Variants in INTS8 observed in about 807,000 individuals in gnomAD.
INTS8 encodes integrator complex subunit 8, also known as protein kaonashi-1.
Under a neutral mutation model 138.9 loss-of-function variants are expected in INTS8, and 47 were observed. That is an observed-to-expected ratio of 0.34 (90% confidence interval 0.27 to 0.43). The LOEUF is 0.43. Among genes scored for constraint, INTS8 ranks in the 20% least tolerant of loss-of-function variants. INTS8 has a pLI of 1.00. For missense variants in INTS8, 996 were observed against 1,173.0 expected (o/e 0.85, Z 2.20); for synonymous variants, 392 against 400.9 (o/e 0.98, Z 0.27).
chr8:94,846,068 T>C (rs1451821516), intron 10 of INTS8, among the ~76,000 whole-genome samples: 1 of 152,190 alleles, frequency 6.6e-6, no homozygotes, highest in Non-Finnish European at 1.5e-5. Flanking sequence ...AAGTCTTAAA[T>C]TTTTAAATAG....
At chr8:94,830,455 A>AT (rs1263739389) in intron 5 of INTS8, among the ~76,000 whole-genome samples, 1 of 152,214 alleles carries the variant, frequency 6.6e-6, no homozygotes, top group Admixed American at 6.5e-5. Context: ...TGACTGGCAC[A>AT]TTGAAGTATA....
chr8:94,879,472 G>A (rs1321202869), intron 26 of INTS8, among the ~76,000 whole-genome samples: 4 of 151,976 alleles, frequency 2.6e-5, no homozygotes, highest in Non-Finnish European at 5.9e-5. Context: ...GCGGGCGTCT[G>A]TAATCCCAGC....
intron 23 of INTS8, 119 bp downstream of exon 23, chr8:94,874,721 G>A: frequency 1.7e-6 from 1 of 576,570 alleles, no homozygotes; most frequent in Non-Finnish European, 3.0e-6. Context: ...CTTAGGGTAT[G>A]TAAGAGTTTG....
chr8:94,876,232 T>C lies in INTS8; in HGVS notation c.2774T>C (p.Met925Thr), dbSNP rs1212506763. 6.2e-7 allele frequency: 1 copy of C among 1,612,236 alleles called. No individual in the cohort carries two copies. The highest frequency in any genetic ancestry group is 8.5e-7 in the Non-Finnish European group (1 of 1,178,832). ...SLQEQNSHDAMDSYYDYIWDV... is the reference protein window; with the variant it reads ...SLQEQNSHDATDSYYDYIWDV... ...ATTCTGTCTTTCAGTCATGATGCTA[T>C]GGACTCCTACTACGACTACATATGG... The change falls in exon 25 of 27, where the codon ATG (methionine) becomes ACG (threonine). Residue 925 changes from methionine to threonine, a missense_variant. Transcript: ENST00000523731.
At chr8:94,870,057 AT>A (rs1166794551) in intron 20 of INTS8, among the ~76,000 whole-genome samples, 85 of 147,314 alleles carry the variant, frequency 5.8e-4, no homozygotes, top group Non-Finnish European at 6.5e-4. Context: ...TTATTTATTT[AT>A]TTTTTTTTTT....
Position 94,828,990 on chromosome 8 carries a change from A to C in INTS8, c.534A>C (p.Gln178His). The C allele has an allele frequency of 6.3e-7, 1 of 1,599,334 alleles. No individual in the cohort carries two copies. The highest frequency in any genetic ancestry group is 8.5e-7 in the Non-Finnish European group (1 of 1,171,540). Residue 178 changes from glutamine to histidine, a missense_variant, in exon 5 of 27, where the codon CAA (glutamine) becomes CAC (histidine). Coordinates refer to ENST00000523731, the MANE Select transcript of INTS8 (RefSeq NM_017864.4). ...TCTCTTTTAGTATGAATCAAATGCA[A>C]CAGGAAAAAGAGCTAACAGAAAACA... ...PPQLSVMNQMQQEKELTENIL... is the reference protein window; with the variant it reads ...PPQLSVMNQMHQEKELTENIL...
rs1442043742 is a variant in INTS8, at chr8:94,865,592, T to C, written c.2163T>C (p.Val721=). 1 of 1,614,170 alleles carries C rather than the reference T, an allele frequency of 6.2e-7. No homozygotes were observed. Among genetic ancestry groups the C allele is most frequent in the South Asian group, 1.1e-5 (1 of 91,080 alleles). Residue 721 remains valine (V), a synonymous_variant, in exon 17 of 27, where the codon GTT becomes GTC. Coordinates refer to ENST00000523731, the MANE Select transcript of INTS8 (RefSeq NM_017864.4). ...RRTAKDLWEV[V]VQICSVSSQH... is the part of the protein sequence containing the mutation. Reference sequence around the variant, plus strand: ...CTGCCAAAGACCTTTGGGAAGTTGTTGTTCAAATCTGTAGTGTGTCCAGTC... The same window carrying C: ...CTGCCAAAGACCTTTGGGAAGTTGTCGTTCAAATCTGTAGTGTGTCCAGTC...
In INTS8 at chr8:94,827,279, T is replaced by C. The variant is rs1264859012; in HGVS notation, c.322T>C (p.Leu108=). Residue 108 remains leucine, a synonymous_variant, in exon 3 of 27, where the codon TTG becomes CTG. Transcript: ENST00000523731. ...ILEKSLSVPV[L]NMLLNELLCI... ...TTCTTCAAGTTTGTCTGTTCCAGTA[T>C]TGAATATGCTACTAAATGAACTACT... 4 of 1,613,704 alleles carry C rather than the reference T, an allele frequency of 2.5e-6. No homozygotes were observed. The highest frequency in any genetic ancestry group is 3.4e-6 in the Non-Finnish European group (4 of 1,179,588).
intron 6 of INTS8, among the ~76,000 whole-genome samples, chr8:94,835,979 C>T (rs896787410): frequency 1.3e-5 from 2 of 152,204 alleles, no homozygotes; most frequent in Admixed American, 6.5e-5. Context: ...AGGCATATCA[C>T]GTAAGTTTTA....
Position 94,842,395 on chromosome 8 carries a change from A to C in INTS8, c.1167A>C (p.Thr389=). 1 of 1,603,602 alleles carries C rather than the reference A, an allele frequency of 6.2e-7. No individual in the cohort carries two copies. Among genetic ancestry groups the C allele is most frequent in the Non-Finnish European group, 8.5e-7 (1 of 1,171,316 alleles). The stretch of plus-strand genomic sequence containing the variant: ...GTTTTAAAGTTTGTGCCTGTAATAC[A>C]GTCCGTGATATACTGGAAGGCAGAA... ...EICFKVCACN[T]VRDILEGRTI... Residue 389 remains threonine, a synonymous_variant, in exon 10 of 27, where the codon ACA becomes ACC. Coordinates refer to ENST00000523731, the MANE Select transcript of INTS8 (RefSeq NM_017864.4).
At position 94,848,151 on chromosome 8, in the gene INTS8, A is replaced by G. The variant is rs555803751; in HGVS notation, c.1261-1311A>G. Among the ~76,000 whole-genome samples, 12 of 151,960 alleles carry G rather than the reference A, an allele frequency of 7.9e-5. 1 individual carries two copies. In the Middle Eastern group the frequency reaches 0.02, roughly 258 times the overall value. On this transcript the variant is annotated intron_variant, in intron 10 of 26. Coordinates refer to ENST00000523731, the MANE Select transcript of INTS8 (RefSeq NM_017864.4). ...AGCCTCCCCAAGTAGCTGGGACTAC[A>G]GGCCCGTGTCACCATGCCCACGTAA...
chr8:94,866,103 A>G (rs1816167082), intron 17 of INTS8, 55 bp from the exon 18 acceptor site: 2 of 764,874 alleles, frequency 2.6e-6, no homozygotes, highest in African/African-American at 3.6e-5. Context: ...TACTTTCTTG[A>G]TTTTATTTTT....
At chr8:94,841,648 G>A (rs1226543621) in intron 9 of INTS8, 57 bp downstream of exon 9, 2 of 878,426 alleles carry the variant, frequency 2.3e-6, no homozygotes, top group Non-Finnish European at 3.7e-6. Flanking sequence ...AGTGCATTCT[G>A]GTTTATCAAA....
In INTS8 at chr8:94,880,666, CT is replaced by C; in HGVS notation, c.*435del. 1 of 391,948 alleles carries C rather than the reference CT, an allele frequency of 2.6e-6. No individual in the cohort carries two copies. Among genetic ancestry groups the C allele is most frequent in the Non-Finnish European group, 4.5e-6 (1 of 222,696 alleles). 24.3% of individuals were successfully genotyped at this position (391,948 alleles called of 1,614,324 possible). On this transcript the variant is annotated 3_prime_UTR_variant, in exon 27 of 27. Transcript: ENST00000523731. ...ATAGAAGTTTAGGTCAAGTGTTAAG[CT>C]TTATCACTTTGACACTGTCCTTATC...
At position 94,856,945 on chromosome 8, in the gene INTS8, A is replaced by G; in HGVS notation, c.1921A>G (p.Arg641Gly). 1 of 1,614,154 alleles carries G rather than the reference A, an allele frequency of 6.2e-7. No individual in the cohort carries two copies. The highest frequency in any genetic ancestry group is 8.5e-7 in the Non-Finnish European group (1 of 1,180,006). Residue 641 changes from arginine to glycine, a missense_variant, in exon 15 of 27, where the codon AGA becomes GGA. Transcript: ENST00000523731. ...GERPPSDLIS[R>G]VRGYLEMRLP... The stretch of plus-strand genomic sequence containing the variant: ...GAGACCGCCATCCGACCTTATAAGT[A>G]GAGTACGAGGCTATCTGGAAATGAG...
At chr8:94,879,735 A>G (rs911275295) in intron 26 of INTS8, 1 of 155,058 alleles carries the variant, frequency 6.4e-6, no homozygotes, top group African/African-American at 2.4e-5. Flanking sequence ...AATCATGAAA[A>G]GTTGAGCAAC....
chr8:94,873,380 A>G lies in INTS8; in HGVS notation c.2540A>G (p.Asn847Ser), dbSNP rs1190257569. ...GTCTGTTTTTCTGTTTCAGCAACGA[A>G]TCAGTATTCAGCAGCTCTTCACTAT... ...IIQADIYFAT[N>S]QYSAALHYYL... is the part of the protein sequence containing the mutation. Residue 847 changes from asparagine (N) to serine (S), a missense_variant, in exon 22 of 27, where the codon AAT becomes AGT. By Grantham distance (46) the Asn-to-Ser change is conservative. Coordinates refer to ENST00000523731, the MANE Select transcript of INTS8 (RefSeq NM_017864.4). 1.2e-6 allele frequency: 2 copies of G among 1,611,990 alleles called. No homozygotes were observed. Among genetic ancestry groups the G allele is most frequent in the Non-Finnish European group, 1.7e-6 (2 of 1,178,152 alleles).
At chr8:94,849,057 A>G (rs16917081) in intron 10 of INTS8, among the ~76,000 whole-genome samples, 33,774 of 151,932 alleles carry the variant, frequency 0.22, 3,869 homozygotes, top group Middle Eastern at 0.28. Context: ...TTCTATATTC[A>G]TGATAAATCA....
chr8:94,828,874 T>G, intron 4 of INTS8, 101 bp from the exon 5 acceptor site: 2 of 749,274 alleles, frequency 2.7e-6, no homozygotes, highest in South Asian at 1.6e-5. Flanking sequence ...AAAACACTCT[T>G]AAATTGAACC....
Sources: allele counts gnomAD v4.1 joint callset (sites outside exome capture counted in the v4.1 genomes callset), GRCh38; gene constraint gnomAD v4.1.1; transcripts MANE v1.5; gene names NCBI Gene and HGNC (gene_info 2026-07-23, HGNC 2026-07-21).